The following ADAMTSL1 variants were observed in gnomAD, a reference collection of about 807,000 sequenced individuals.
ADAMTSL1 encodes the protein ADAMTS-like protein 1.
A neutral mutation model predicts 201.8 loss-of-function variants in ADAMTSL1; 126 were observed. The ratio of observed to expected loss-of-function variants is 0.62; its 90% CI spans 0.54 to 0.72. The LOEUF is 0.72. ADAMTSL1 is among the 30% of genes least tolerant of loss of function. The pLI, the probability that ADAMTSL1 is intolerant of heterozygous loss-of-function variation, is 0.00. For missense variants in ADAMTSL1, 2,679 were observed against 2,277.8 expected (o/e 1.18, Z -3.59); for synonymous variants, 1,121 against 903.4 (o/e 1.24, Z -4.32).
At position 18,830,243 on chromosome 9, in the gene ADAMTSL1, A is replaced by G. The variant is rs16937125; in HGVS notation, c.4249+266A>G. Among the ~76,000 whole-genome samples the G allele has an allele frequency of 6.4e-3, 981 of 152,266 alleles. 10 individuals are homozygous for G. The highest frequency in any genetic ancestry group is 0.022 in the African/African-American group (929 of 41,540). ...TCCTCTTGGGTTGATGCCATAGTCCAGATCCTCTCAATCAGATTGACTCTT... is the reference window on the plus strand; with the variant it reads ...TCCTCTTGGGTTGATGCCATAGTCCGGATCCTCTCAATCAGATTGACTCTT... On this transcript the variant is annotated intron_variant, in intron 23 of 28. Transcript: ENST00000380548.
intron 3 of ADAMTSL1, among the ~76,000 whole-genome samples, chr9:18,554,650 C>A (rs1047765936): frequency 2.9e-5 from 4 of 139,806 alleles, no homozygotes; most frequent in African/African-American, 1.1e-4. Flanking sequence ...CTTATTATTT[C>A]TTTATGTGGA....
In ADAMTSL1 at chr9:18,135,346, A is replaced by G. The variant is rs574676054; in HGVS notation, c.88-28516A>G. On this transcript the variant is annotated intron_variant, in intron 1 of 29. Coordinates refer to the ADAMTSL1 transcript ENST00000680146. ...TCATTAATAAGATTAATGAACTATG[A>G]GGAAAGCAACTCTTTGGGAATATAA... Among the ~76,000 whole-genome samples the G allele has an allele frequency of 2.6e-4, 39 of 152,332 alleles. No individual in the cohort carries two copies. In the Middle Eastern group the frequency reaches 0.01, roughly 40 times the overall value.
chr9:18,197,978 G>A (rs990566457), intron 2 of ADAMTSL1, among the ~76,000 whole-genome samples: 33 of 152,164 alleles, frequency 2.2e-4, no homozygotes, highest in African/African-American at 7.2e-4. Flanking sequence ...TCTGATCTTT[G>A]ACAAACCTGA....
intron 1 of ADAMTSL1, among the ~76,000 whole-genome samples, chr9:18,050,581 C>A (rs1821887951): frequency 6.6e-6 from 1 of 152,094 alleles, no homozygotes; most frequent in Admixed American, 6.6e-5. Flanking sequence ...CTTGAAATGG[C>A]CTTTTTCTAA....
At position 18,217,973 on chromosome 9, in the gene ADAMTSL1, C is replaced by G. The variant is rs190917536; in HGVS notation, c.207+53992C>G. 1.2e-4 allele frequency among the ~76,000 whole-genome samples: 18 copies of G among 152,106 alleles called. No individual in the cohort carries two copies. In the East Asian group the frequency reaches 2.7e-3, roughly 23 times the overall value. On this transcript the variant is annotated intron_variant, in intron 2 of 29. Transcript: ENST00000680146. ...GGCTGGAATTTGAAGTTCTTTTTAG[C>G]AACCACCAAATTAAATCAAAACCAG...
At chr9:18,381,383 A>T (rs1320473091) in intron 2 of ADAMTSL1, among the ~76,000 whole-genome samples, 1 of 152,156 alleles carries the variant, frequency 6.6e-6, no homozygotes, top group Non-Finnish European at 1.5e-5. Flanking sequence ...TTTTATCTTT[A>T]GTTTTTTGAG....
intron 2 of ADAMTSL1, among the ~76,000 whole-genome samples, chr9:18,319,589 A>T (rs1175803749): frequency 6.6e-6 from 1 of 152,154 alleles, no homozygotes; most frequent in African/African-American, 2.4e-5. Context: ...GGGGAGAGAT[A>T]AAAAGCCACC....
chr9:18,629,745 C>T (rs907590047), intron 5 of ADAMTSL1, among the ~76,000 whole-genome samples: 1 of 152,072 alleles, frequency 6.6e-6, no homozygotes, highest in Non-Finnish European at 1.5e-5. Flanking sequence ...ACAAAATGGC[C>T]TCAAACGATG....
At chr9:18,455,116 T>C (rs898109176) in intron 2 of ADAMTSL1, among the ~76,000 whole-genome samples, 3 of 152,212 alleles carry the variant, frequency 2.0e-5, no homozygotes, top group Non-Finnish European at 4.4e-5. Flanking sequence ...GAAAACTGTT[T>C]AGTCCATCAA....
intron 1 of ADAMTSL1, among the ~76,000 whole-genome samples, chr9:18,034,844 A>G (rs1821123678): frequency 6.6e-6 from 1 of 152,190 alleles, no homozygotes; most frequent in African/African-American, 2.4e-5. Context: ...ATAAAGGAAA[A>G]GTTGTATTCG....
At chr9:18,251,910 A>G (rs889069238) in intron 2 of ADAMTSL1, among the ~76,000 whole-genome samples, 7 of 152,220 alleles carry the variant, frequency 4.6e-5, no homozygotes, top group Admixed American at 6.5e-5. Context: ...CATTGCTGAC[A>G]TAATGACTAT....
At chr9:18,206,952 G>A (rs2132298297) in intron 2 of ADAMTSL1, among the ~76,000 whole-genome samples, 1 of 152,156 alleles carries the variant, frequency 6.6e-6, no homozygotes, top group South Asian at 2.1e-4. Context: ...ATCACCTGAG[G>A]TCAGGAGTTT....
At chr9:18,461,351 AT>A (rs1369133381) in intron 2 of ADAMTSL1, among the ~76,000 whole-genome samples, 4 of 151,966 alleles carry the variant, frequency 2.6e-5, no homozygotes, top group East Asian at 3.9e-4. Context: ...TTTTCATGTA[AT>A]TTTTTTAACA....
chr9:17,935,065 G>T (rs1826950428), intron 1 of ADAMTSL1, among the ~76,000 whole-genome samples: 1 of 151,836 alleles, frequency 6.6e-6, no homozygotes. Context: ...ATGGATTGTA[G>T]TCAAACTTTC....
chr9:18,832,238 T>G (rs748253515), intron 23 of ADAMTSL1, among the ~76,000 whole-genome samples: 3 of 152,178 alleles, frequency 2.0e-5, no homozygotes, highest in Non-Finnish European at 2.9e-5. Flanking sequence ...CATCCTGGTC[T>G]TAGTCCAGTG....
intron 7 of ADAMTSL1, among the ~76,000 whole-genome samples, chr9:18,648,800 T>G (rs559488234): frequency 0.047 from 7,090 of 152,014 alleles, 190 homozygotes; most frequent in South Asian, 0.086. Context: ...ACCCGACCTT[T>G]CTCTCTGGCT....
chr9:18,002,220 G>C (rs1439360614), intron 1 of ADAMTSL1, among the ~76,000 whole-genome samples: 6 of 152,008 alleles, frequency 3.9e-5, no homozygotes, highest in Non-Finnish European at 8.8e-5. Context: ...GAATCTGTGG[G>C]CAGAAGGAGA....
chr9:18,089,530 G>C (rs1563993581), intron 1 of ADAMTSL1, among the ~76,000 whole-genome samples: 1 of 152,032 alleles, frequency 6.6e-6, no homozygotes, highest in Non-Finnish European at 1.5e-5. Flanking sequence ...CGGGTTGATG[G>C]GTGCAGCAAA....
chr9:18,152,471 A>G (rs994787077), intron 1 of ADAMTSL1, among the ~76,000 whole-genome samples: 2 of 152,088 alleles, frequency 1.3e-5, no homozygotes, highest in African/African-American at 4.8e-5. Context: ...AGAGCTTAAA[A>G]GAATTGCAGG....
Sources: gnomAD v4.1 joint callset for allele counts (sites outside exome capture counted in the v4.1 genomes callset) on GRCh38, gnomAD v4.1.1 for gene constraint, MANE v1.5 for transcripts, NCBI Gene and HGNC (gene_info 2026-07-23, HGNC 2026-07-21) for gene names.